MTBP: variants seen among roughly 807,000 people sequenced by gnomAD.
The protein encoded by MTBP is MDM2 binding protein, also known as mdm2-binding protein.
In MTBP, 101 loss-of-function variants were observed where a neutral mutation model predicts 117.0. The observed-to-expected ratio is 0.86, with a 90% CI of 0.73 to 1.02. MTBP has a LOEUF of 1.02. MTBP is among the 50% of genes least tolerant of loss of function. The probability of loss-of-function intolerance (pLI) is 0.00; values close to 1 mark genes in which losing one functional copy is unlikely to be tolerated. For synonymous variants in MTBP, 350 were observed against 351.5 expected (o/e 1.00, Z 0.05); for missense variants, 970 against 1,030.9 (o/e 0.94, Z 0.81).
chr8:120,522,581 TA>T, intron 20 of MTBP, 72 bp from the exon 21 acceptor site: 1 of 982,946 alleles, frequency 1.0e-6, no homozygotes, highest in Non-Finnish European at 1.5e-6. Flanking sequence ...ATCTCAAGTG[TA>T]TTTAATAATA....
chr8:120,523,504 G>A lies in MTBP; in HGVS notation c.*168G>A, dbSNP rs1815038418. On this transcript the variant is annotated 3_prime_UTR_variant, in exon 22 of 22. Coordinates refer to ENST00000305949, the MANE Select transcript of MTBP (RefSeq NM_022045.5). Reference sequence around the variant, plus strand: ...ATATTCTATATTTGTATAGTTTGAGGGATGCTATGTTAATGTATTTTTAAT... The same window carrying A: ...ATATTCTATATTTGTATAGTTTGAGAGATGCTATGTTAATGTATTTTTAAT... 3 of 367,446 alleles carry A rather than the reference G, an allele frequency of 8.2e-6. No homozygotes were observed. In the South Asian group the frequency reaches 3.1e-4, roughly 38 times the overall value. The allele number at this position is 367,446 out of a possible 1,614,324, so 22.8% of individuals were successfully genotyped here. A position where few individuals can be genotyped will look rare whatever the true frequency, so the allele number is the denominator to read the frequency against.
At chr8:120,517,490 A>G (rs1351597335) in intron 18 of MTBP, among the ~76,000 whole-genome samples, 2 of 151,930 alleles carry the variant, frequency 1.3e-5, no homozygotes, top group Non-Finnish European at 2.9e-5. Context: ...ATTACCTTCT[A>G]TGTGTTAGTT....
chr8:120,468,021 C>T (rs755946746), intron 10 of MTBP, among the ~76,000 whole-genome samples: 2 of 152,112 alleles, frequency 1.3e-5, no homozygotes, highest in Non-Finnish European at 2.9e-5. Flanking sequence ...GCCTTGTCCA[C>T]CTTTTTAACC....
At position 120,483,866 on chromosome 8, in the gene MTBP, T is replaced by A. The variant is rs543971622; in HGVS notation, c.1166-4293T>A. Among the ~76,000 whole-genome samples, 26 of 152,276 alleles carry A rather than the reference T, an allele frequency of 1.7e-4. No individual in the cohort carries two copies. In the South Asian group the frequency reaches 5.4e-3, roughly 32 times the overall value. ...GACAGACTTTTTTTTAGTAATCATT[T>A]TCCCTTATTACTTTAGGAAGAGTGA... On this transcript the variant is annotated intron_variant, in intron 11 of 21. Coordinates refer to ENST00000305949, the MANE Select transcript of MTBP (RefSeq NM_022045.5).
At chr8:120,522,587 A>G in intron 20 of MTBP, 67 bp from the exon 21 acceptor site, 1 of 1,051,120 alleles carries the variant, frequency 9.5e-7, no homozygotes, top group East Asian at 2.5e-5. Flanking sequence ...AGTGTATTTA[A>G]TAATAATGAG....
At position 120,497,454 on chromosome 8, in the gene MTBP, A is replaced by G. The variant is rs1586963419; in HGVS notation, c.1509A>G (p.Leu503=). 1 of 1,608,804 alleles carries G rather than the reference A, an allele frequency of 6.2e-7. No individual in the cohort carries two copies. Among genetic ancestry groups the G allele is most frequent in the East Asian group, 2.2e-5 (1 of 44,708 alleles). ...TVSVAELKSL[L]VLTRKHFLDY... ...CTGTTGCTGAACTCAAAAGTCTGTT[A>G]GTACTCACAAGGAAACACTTTTTAG... Residue 503 remains leucine (L), a synonymous_variant, in exon 14 of 22, where the codon TTA becomes TTG. Coordinates refer to ENST00000305949, the MANE Select transcript of MTBP (RefSeq NM_022045.5).
At chr8:120,521,151 A>G (rs926111397) in intron 20 of MTBP, among the ~76,000 whole-genome samples, 6 of 152,116 alleles carry the variant, frequency 3.9e-5, no homozygotes, top group Non-Finnish European at 4.4e-5. Context: ...GAACTGAGAG[A>G]TTATCCTGTA....
rs889708397 is a variant in MTBP, at chr8:120,507,266, A to G, written c.1883+405A>G. On this transcript the variant is annotated intron_variant, in intron 16 of 21. Transcript: ENST00000305949. ...TTGTCAGGCATGCCTAATAGTAGCA[A>G]AAAGCATGGCCTTTCACCTGAAGAA... Among the ~76,000 whole-genome samples the G allele has an allele frequency of 6.6e-5, 10 of 152,254 alleles. No homozygotes were observed. In the East Asian group the frequency reaches 1.9e-3, roughly 29 times the overall value.
chr8:120,516,303 T>G (rs1814918322), intron 18 of MTBP, 112 bp downstream of exon 18: 2 of 988,328 alleles, frequency 2.0e-6, no homozygotes, highest in African/African-American at 3.3e-5. Flanking sequence ...TGGCAAGAAG[T>G]TTGTTTTATG....
intron 8 of MTBP, among the ~76,000 whole-genome samples, 184 bp from the exon 9 acceptor site, chr8:120,460,977 C>T (rs1015672862): frequency 4.7e-4 from 71 of 152,158 alleles, no homozygotes; most frequent in African/African-American, 1.6e-3. Context: ...GTTTCTGTAC[C>T]CTGAAAGGTA....
chr8:120,513,708 G>A (rs1451887214), intron 17 of MTBP, among the ~76,000 whole-genome samples: 2 of 151,890 alleles, frequency 1.3e-5, no homozygotes, highest in East Asian at 3.9e-4. Flanking sequence ...ATCAAAATAT[G>A]CATCTTTTCT....
At chr8:120,481,753 AAT>A (rs1355352453) in intron 11 of MTBP, among the ~76,000 whole-genome samples, 1 of 152,214 alleles carries the variant, frequency 6.6e-6, no homozygotes, top group African/African-American at 2.4e-5. Flanking sequence ...GTTAGACTTT[AAT>A]ATATATGTAC....
chr8:120,523,234 A>T (rs1039624748), intron 21 of MTBP, 64 bp from the exon 22 acceptor site: 71 of 1,091,906 alleles, frequency 6.5e-5, no homozygotes, highest in Non-Finnish European at 9.1e-5. Flanking sequence ...TTTTTACAAT[A>T]TATTTTTCTA....
chr8:120,480,356 G>A (rs939501620), intron 11 of MTBP, among the ~76,000 whole-genome samples: 2 of 152,078 alleles, frequency 1.3e-5, no homozygotes, highest in Admixed American at 1.3e-4. Context: ...GTTGCAGTGA[G>A]CCGAGATCAC....
intron 11 of MTBP, among the ~76,000 whole-genome samples, chr8:120,476,351 A>G (rs959731226): frequency 7.2e-5 from 11 of 152,144 alleles, no homozygotes; most frequent in African/African-American, 2.4e-4. Context: ...GGCACAAGAC[A>G]AAGATGCCGT....
Position 120,482,930 on chromosome 8 carries a change from A to G in MTBP, c.1166-5229A>G, listed in dbSNP as rs1814121667. 2.0e-5 allele frequency among the ~76,000 whole-genome samples: 3 copies of G among 151,292 alleles called. No homozygotes were observed. In the South Asian group the frequency reaches 6.3e-4, roughly 32 times the overall value. On this transcript the variant is annotated intron_variant, in intron 11 of 21. Coordinates refer to ENST00000305949, the MANE Select transcript of MTBP (RefSeq NM_022045.5). ...TAGCCAGGATGGTCTTGATCTCCTG[A>G]CCTCGTGATCCATCCACCTCAGCCT...
chr8:120,487,836 C>T (rs1367891482), intron 11 of MTBP, among the ~76,000 whole-genome samples: 2 of 152,144 alleles, frequency 1.3e-5, no homozygotes, highest in African/African-American at 2.4e-5. Context: ...TCAGTTTATT[C>T]CTCTTTAAAG....
At chr8:120,458,629 C>T (rs1001096096) in intron 7 of MTBP, among the ~76,000 whole-genome samples, 4 of 152,026 alleles carry the variant, frequency 2.6e-5, no homozygotes, top group Admixed American at 2.0e-4. Context: ...CACCCGAGGT[C>T]AGGAGTTCAA....
At chr8:120,468,924 C>T (rs961962837) in intron 10 of MTBP, among the ~76,000 whole-genome samples, 1 of 151,998 alleles carries the variant, frequency 6.6e-6, no homozygotes, top group Non-Finnish European at 1.5e-5. Flanking sequence ...ACAATCTGAT[C>T]GAGAAATTGT....
Sources: allele counts gnomAD v4.1 joint callset (sites outside exome capture counted in the v4.1 genomes callset), GRCh38; gene constraint gnomAD v4.1.1; transcripts MANE v1.5; gene names NCBI Gene and HGNC (gene_info 2026-07-23, HGNC 2026-07-21).